The following C1QTNF3 variants were observed in gnomAD, a reference collection of about 807,000 sequenced individuals.
C1QTNF3 encodes the protein complement C1q tumor necrosis factor-related protein 3.
Under a neutral mutation model 32.6 loss-of-function variants are expected in C1QTNF3, and 26 were observed. That is an observed-to-expected ratio of 0.80 (90% CI 0.58 to 1.11). C1QTNF3 has a LOEUF of 1.11. C1QTNF3 is among the 50% of genes least tolerant of loss of function. The pLI is 0.00. For missense variants in C1QTNF3, 362 were observed against 398.2 expected (o/e 0.91, Z 0.77); for synonymous variants, 155 against 146.0 (o/e 1.06, Z -0.44).
At chr5:34,180,531 T>A in the C1QTNF3 span, among the ~76,000 whole-genome samples, 85 of 151,322 alleles carry the variant, frequency 5.6e-4, no homozygotes, top group Admixed American at 8.6e-4. Context: ...AAACAAACAA[T>A]GAAAGAAATG....
At chr5:34,170,432 T>C in the C1QTNF3 span, among the ~76,000 whole-genome samples, 1 of 152,120 alleles carries the variant, frequency 6.6e-6, no homozygotes, top group Non-Finnish European at 1.5e-5. Context: ...TTCAGTCTTC[T>C]CACCACACAC....
chr5:34,147,571 A>G, the C1QTNF3 span, among the ~76,000 whole-genome samples: 56 of 152,208 alleles, frequency 3.7e-4, no homozygotes, highest in African/African-American at 1.3e-3. Context: ...GGAACACAAA[A>G]CCAAATATGG....
At chr5:34,063,823 C>T in the C1QTNF3 span, among the ~76,000 whole-genome samples, 21 of 152,056 alleles carry the variant, frequency 1.4e-4, no homozygotes, top group African/African-American at 3.9e-4. Flanking sequence ...AGGCAGGGAT[C>T]GGAGGAAGTA....
chr5:34,200,789 T>G, the C1QTNF3 span: 1 of 152,142 alleles, frequency 6.6e-6, no homozygotes, highest in Non-Finnish European at 1.5e-5. Context: ...TCTCTCTTAA[T>G]TTAGATTCTC....
At chr5:34,096,368 T>A in the C1QTNF3 span, among the ~76,000 whole-genome samples, 1 of 139,486 alleles carries the variant, frequency 7.2e-6, no homozygotes, top group East Asian at 2.1e-4. Flanking sequence ...TTGGAGTTGC[T>A]AAGAGACATG....
At chr5:34,043,469 G>C (rs1397731873), upstream of C1QTNF3, 2 of 253,728 alleles carry the variant, frequency 7.9e-6, no homozygotes, top group African/African-American at 4.5e-5. Flanking sequence ...GTGTCCAGCA[G>C]TTTGCTTTTG....
At chr5:34,164,574 C>T in the C1QTNF3 span, 6 of 151,192 alleles carry the variant, frequency 4.0e-5, no homozygotes, top group African/African-American at 4.9e-5. Flanking sequence ...CTGAAAGTGT[C>T]GAAAGGGACT....
chr5:34,083,689 C>T, the C1QTNF3 span, among the ~76,000 whole-genome samples: 2 of 151,758 alleles, frequency 1.3e-5, no homozygotes, highest in Non-Finnish European at 1.5e-5. Flanking sequence ...GGGAACTGCT[C>T]GGTCTCCAAG....
At chr5:34,216,324 A>G in the C1QTNF3 span, among the ~76,000 whole-genome samples, 8 of 152,226 alleles carry the variant, frequency 5.3e-5, no homozygotes, top group Admixed American at 4.6e-4. Flanking sequence ...TATTCCATTC[A>G]GCAGGTGAAG....
At chr5:34,169,377 T>A in the C1QTNF3 span, among the ~76,000 whole-genome samples, 1 of 152,026 alleles carries the variant, frequency 6.6e-6, no homozygotes, top group Non-Finnish European at 1.5e-5. Flanking sequence ...GTTGAGCATA[T>A]TTTTTAATGT....
the C1QTNF3 span, among the ~76,000 whole-genome samples, chr5:34,218,706 A>G: frequency 6.6e-6 from 1 of 152,146 alleles, no homozygotes. Context: ...ATAATAAATA[A>G]GAGTTCCTAA....
At chr5:34,045,301 C>A (rs1754969223), upstream of C1QTNF3, among the ~76,000 whole-genome samples, 1 of 152,170 alleles carries the variant, frequency 6.6e-6, no homozygotes, top group African/African-American at 2.4e-5. Context: ...ACCCTGGCTG[C>A]ATATTAAACC....
At chr5:34,214,156 C>T in the C1QTNF3 span, among the ~76,000 whole-genome samples, 1 of 151,800 alleles carries the variant, frequency 6.6e-6, no homozygotes, top group Non-Finnish European at 1.5e-5. Flanking sequence ...AAATCAACCA[C>T]ATACAATTAA....
upstream of C1QTNF3, chr5:34,043,436 A>C: frequency 2.7e-6 from 1 of 364,608 alleles, no homozygotes; most frequent in South Asian, 4.1e-5. Context: ...AAACATACAC[A>C]ACCAGCTGGG....
the C1QTNF3 span, among the ~76,000 whole-genome samples, chr5:34,153,974 TTAGA>T: frequency 2.6e-5 from 4 of 151,732 alleles, no homozygotes; most frequent in Non-Finnish European, 5.9e-5. Flanking sequence ...TACCAAATAA[TTAGA>T]TAGTATAGAT....
intron 4 of C1QTNF3, 38 bp downstream of exon 4, chr5:34,028,715 AT>A (rs1754539055): frequency 6.5e-7 from 1 of 1,546,864 alleles, no homozygotes; most frequent in Admixed American, 1.9e-5. Context: ...TTATTATTAC[AT>A]TGATTAACTC....
At position 34,028,764 on chromosome 5, in the gene C1QTNF3, G is replaced by A. The variant is rs1361169105; in HGVS notation, c.690C>T (p.Ala230=). ...FFDVMTGRFG[A]PVSGVYFFTF... is the part of the protein sequence containing the mutation. ...ATGTTTCCATCTCACCTGATACTGG[G>A]GCCCCAAATCTACCAGTCATGACAT... is the stretch of plus-strand genomic sequence containing the variant. Residue 230 remains alanine, a synonymous_variant, in exon 4 of 6, where the codon GCC becomes GCT. Coordinates refer to ENST00000382065, the MANE Select transcript of C1QTNF3 (RefSeq NM_181435.6). 6.2e-7 allele frequency: 1 copy of A among 1,605,132 alleles called. No homozygotes were observed. Among genetic ancestry groups the A allele is most frequent in the African/African-American group, 1.3e-5 (1 of 74,490 alleles).
the C1QTNF3 span, among the ~76,000 whole-genome samples, chr5:34,223,001 A>T: frequency 4.3e-4 from 66 of 151,988 alleles, no homozygotes; most frequent in African/African-American, 1.6e-3. Flanking sequence ...TTAAAAATGA[A>T]CATTTTTTTA....
the C1QTNF3 span, among the ~76,000 whole-genome samples, chr5:34,120,563 G>A: frequency 5.1e-4 from 77 of 152,152 alleles, 1 homozygote; most frequent in East Asian, 2.5e-3. Flanking sequence ...CAGTTCCCAC[G>A]TGTTGTGGGA....
Sources: gnomAD v4.1 joint callset for allele counts (sites outside exome capture counted in the v4.1 genomes callset) on GRCh38, gnomAD v4.1.1 for gene constraint, MANE v1.5 for transcripts, NCBI Gene and HGNC (gene_info 2026-07-23, HGNC 2026-07-21) for gene names.